Variants in AP3B1 observed in about 807,000 individuals in gnomAD.
The protein encoded by AP3B1 is AP-3 complex subunit beta-1.
A neutral mutation model predicts 132.5 loss-of-function variants in AP3B1; 61 were observed. That is an observed-to-expected ratio of 0.46 (90% CI 0.37 to 0.57). The LOEUF is 0.57. Ranked by LOEUF, AP3B1 falls within the 20% of genes least tolerant of loss-of-function variation. AP3B1 has a pLI of 0.00. For synonymous variants in AP3B1, 388 were observed against 438.3 expected, an observed-to-expected ratio of 0.89 and a Z score of 1.43; for missense variants, 1,120 against 1,289.4, an observed-to-expected ratio of 0.87 and a Z score of 2.01.
chr5:78,051,513 C>T (rs1449136956), intron 22 of AP3B1, among the ~76,000 whole-genome samples: 1 of 151,754 alleles, frequency 6.6e-6, no homozygotes, highest in Admixed American at 6.6e-5. Context: ...AAATGAGATT[C>T]GAAAAATAAA....
Position 78,191,354 on chromosome 5 carries a change from CAAAAAAAAAA to C in AP3B1, c.787-9702_787-9693del, listed in dbSNP as rs34733864. Reference sequence around the variant, plus strand: ...ATTGGCTTTTGGAATTGCTTTTCCCCAAAAAAAAAAAAAAAAAAAAAAAGGATGTGTTAAT... The same window carrying C: ...ATTGGCTTTTGGAATTGCTTTTCCCCAAAAAAAAAAAAAGGATGTGTTAAT... On this transcript the variant is annotated intron_variant, in intron 7 of 26. Transcript: ENST00000255194. Among the ~76,000 whole-genome samples, 262 of 72,858 alleles carry C rather than the reference CAAAAAAAAAA, an allele frequency of 3.6e-3. 1 individual carries two copies. The highest frequency in any genetic ancestry group is 0.015 in the Middle Eastern group (2 of 134). 47.8% of individuals were successfully genotyped at this position (72,858 alleles called of 152,430 possible).
At chr5:78,257,444 C>T (rs1044739150) in intron 2 of AP3B1, among the ~76,000 whole-genome samples, 1 of 151,874 alleles carries the variant, frequency 6.6e-6, no homozygotes, top group Non-Finnish European at 1.5e-5. Flanking sequence ...AATTAAATAC[C>T]CAGGAATTAA....
chr5:78,172,478 C>A (rs1239481239), intron 11 of AP3B1, among the ~76,000 whole-genome samples: 1 of 152,144 alleles, frequency 6.6e-6, no homozygotes, highest in African/African-American at 2.4e-5. Flanking sequence ...GTGTACGTGT[C>A]CAGGAATTTA....
At position 78,113,785 on chromosome 5, in the gene AP3B1, GT is replaced by G; in HGVS notation, c.2215del (p.Thr739GlnfsTer37). 1 of 1,614,050 alleles carries G rather than the reference GT, an allele frequency of 6.2e-7. No homozygotes were observed. Among genetic ancestry groups the G allele is most frequent in the Non-Finnish European group, 8.5e-7 (1 of 1,180,014 alleles). ...TTTGGCTTTTGAGTTCCTCTTGGCTGTTCTTTTGTTTTCTAGGCCTGACTCC... is the reference window on the plus strand; with the variant it reads ...TTTGGCTTTTGAGTTCCTCTTGGCTGTCTTTTGTTTTCTAGGCCTGACTCC... ...GRESGLENKR[T>X]AKRNSKAKGK... On this transcript the variant is annotated frameshift_variant, in exon 19 of 27. Transcript: ENST00000255194. LOFTEE classifies it high-confidence loss of function.
intron 22 of AP3B1, among the ~76,000 whole-genome samples, chr5:78,040,417 T>G (rs1431219888): frequency 6.6e-6 from 1 of 152,218 alleles, no homozygotes; most frequent in African/African-American, 2.4e-5. Flanking sequence ...TTTGTAGACC[T>G]ACAATATAAT....
chr5:78,111,186 T>C (rs1391342160), intron 19 of AP3B1, among the ~76,000 whole-genome samples: 2 of 152,116 alleles, frequency 1.3e-5, no homozygotes, highest in African/African-American at 4.8e-5. Flanking sequence ...TATGAGAAAA[T>C]GTTAACCAGT....
intron 9 of AP3B1, among the ~76,000 whole-genome samples, chr5:78,176,773 TTCTG>T (rs571247685): frequency 2.6e-4 from 39 of 152,292 alleles, no homozygotes; most frequent in African/African-American, 7.9e-4. Context: ...GGCATGCTCT[TTCTG>T]TCTGTCTATC....
At chr5:78,211,997 A>G (rs1745757727) in intron 7 of AP3B1, among the ~76,000 whole-genome samples, 1 of 152,242 alleles carries the variant, frequency 6.6e-6, no homozygotes, top group Non-Finnish European at 1.5e-5. Context: ...AAGAAAGTAC[A>G]GGCCAGGCAT....
At chr5:78,060,928 A>C (rs901970618) in intron 22 of AP3B1, among the ~76,000 whole-genome samples, 1 of 152,182 alleles carries the variant, frequency 6.6e-6, no homozygotes, top group Non-Finnish European at 1.5e-5. Context: ...TGGAGGACTA[A>C]GAAGAGAGAA....
At chr5:78,074,565 C>T (rs913242973) in intron 22 of AP3B1, among the ~76,000 whole-genome samples, 1 of 152,090 alleles carries the variant, frequency 6.6e-6, no homozygotes, top group Admixed American at 6.6e-5. Context: ...CTTCCAAACT[C>T]AAAGGAATTT....
At chr5:78,268,230 A>G (rs1027718185) in intron 1 of AP3B1, among the ~76,000 whole-genome samples, 1 of 152,174 alleles carries the variant, frequency 6.6e-6, no homozygotes, top group African/African-American at 2.4e-5. Context: ...GCTCTTTCAG[A>G]TTTCACAGGT....
intron 1 of AP3B1, among the ~76,000 whole-genome samples, chr5:78,287,167 A>G (rs1032528822): frequency 2.6e-5 from 4 of 152,190 alleles, no homozygotes; most frequent in Non-Finnish European, 5.9e-5. Flanking sequence ...TCCAAATACT[A>G]AATTTTTTTT....
chr5:78,236,262 T>C lies in AP3B1; in HGVS notation c.279+4600A>G, dbSNP rs555759175. 7.2e-5 allele frequency among the ~76,000 whole-genome samples: 11 copies of C among 152,232 alleles called. No individual in the cohort carries two copies. In the South Asian group the frequency reaches 1.7e-3, roughly 23 times the overall value. On this transcript the variant is annotated intron_variant, in intron 3 of 26. Transcript: ENST00000255194. ...ACAATAATTGGTATGGAATTTTCTG[T>C]TTACAACAAGAACTAGAAGTCCTCA...
At chr5:78,283,806 A>G (rs1749159161) in intron 1 of AP3B1, among the ~76,000 whole-genome samples, 2 of 151,440 alleles carry the variant, frequency 1.3e-5, no homozygotes, top group African/African-American at 2.4e-5. Flanking sequence ...ATCCAAAAAC[A>G]CTGGTGTAGC....
Position 78,094,259 on chromosome 5 carries a change from T to C in AP3B1, c.2471-4760A>G, listed in dbSNP as rs368571585. On this transcript the variant is annotated intron_variant, in intron 21 of 26. Coordinates refer to ENST00000255194, the MANE Select transcript of AP3B1 (RefSeq NM_003664.5). ...GAAAGCATATTGATATCTCTAAGTC[T>C]AACAAAAGACTGTTAGGTCATATAT... Among the ~76,000 whole-genome samples the C allele has an allele frequency of 6.6e-5, 10 of 152,336 alleles. No homozygotes were observed. The East Asian group carries it at 1.5e-3, about 23-fold the overall frequency.
intron 9 of AP3B1, 96 bp downstream of exon 9, chr5:78,177,237 TATAGTC>T (rs1744182848): frequency 7.9e-6 from 6 of 763,346 alleles, no homozygotes; most frequent in Non-Finnish European, 1.3e-5. Flanking sequence ...TTGATTAAAA[TATAGTC>T]AGAGTTATAT....
intron 17 of AP3B1, among the ~76,000 whole-genome samples, chr5:78,117,561 C>T (rs1175935015): frequency 1.3e-5 from 2 of 152,090 alleles, no homozygotes; most frequent in Admixed American, 6.5e-5. Flanking sequence ...CCACCTGCCT[C>T]GACCTCCCAA....
At chr5:78,189,869 CAAATAAAATAAAATAAAATAAAATA>C (rs55792888) in intron 7 of AP3B1, among the ~76,000 whole-genome samples, 3,806 of 102,266 alleles carry the variant, frequency 0.037, 97 homozygotes, top group East Asian at 0.14. Context: ...GACTCCATCT[CAAATAAAATAAAATAAAATAAAATA>C]AAATAAAATA....
chr5:78,133,034 C>T lies in AP3B1; in HGVS notation c.1651-3727G>A, dbSNP rs1314076121. Among the ~76,000 whole-genome samples the T allele has an allele frequency of 4.6e-5, 7 of 152,336 alleles. No individual in the cohort carries two copies. In the East Asian group the frequency reaches 1.2e-3, roughly 25 times the overall value. ...CTAGGACAGGACTATTCAGTCTTTA[C>T]TCCTGCACATATTTCACCTATAACC... On this transcript the variant is annotated intron_variant, in intron 15 of 26. Transcript: ENST00000255194.
Sources: allele counts gnomAD v4.1 joint callset (sites outside exome capture counted in the v4.1 genomes callset), GRCh38; gene constraint gnomAD v4.1.1; transcripts MANE v1.5; gene names NCBI Gene and HGNC (gene_info 2026-07-23, HGNC 2026-07-21).